Variants in MICAL2 observed in about 807,000 individuals in gnomAD.
MICAL2 encodes the protein [F-actin]-monooxygenase MICAL2.
Under a neutral mutation model 127.3 loss-of-function variants are expected in MICAL2, and 77 were observed. The observed-to-expected ratio is 0.60, with a 90% CI of 0.50 to 0.73. MICAL2 has a LOEUF of 0.73. MICAL2 is among the 30% of genes least tolerant of loss of function. The pLI is 0.00. For missense variants in MICAL2, 1,351 were observed against 1,434.4 expected, an observed-to-expected ratio of 0.94 and a Z score of 0.94; for synonymous variants, 570 against 551.1, an observed-to-expected ratio of 1.03 and a Z score of -0.48.
intron 3 of MICAL2, among the ~76,000 whole-genome samples, chr11:12,176,741 GTGAC>G (rs1856886029): frequency 1.3e-5 from 2 of 152,106 alleles, no homozygotes; most frequent in Admixed American, 1.3e-4. Flanking sequence ...TTGTCCTTTT[GTGAC>G]TGTCTTATTT....
intron 2 of MICAL2, among the ~76,000 whole-genome samples, chr11:12,154,395 TCAGGGAAAGAAGA>T (rs1484944517): frequency 1.3e-5 from 2 of 151,996 alleles, no homozygotes; most frequent in East Asian, 3.9e-4. Context: ...AGATGGACAG[TCAGGGAAAGAAGA>T]CTCCTGGCCT....
At chr11:12,229,996 C>T (rs1858004491) in intron 15 of MICAL2, among the ~76,000 whole-genome samples, 1 of 152,196 alleles carries the variant, frequency 6.6e-6, no homozygotes, top group Non-Finnish European at 1.5e-5. Flanking sequence ...TGTTTGTTCT[C>T]TCAGAGCGAT....
intron 21 of MICAL2, among the ~76,000 whole-genome samples, chr11:12,246,877 A>G (rs528854599): frequency 6.6e-6 from 1 of 152,222 alleles, no homozygotes; most frequent in East Asian, 1.9e-4. Flanking sequence ...CTTACACCCT[A>G]CAAGCCTACA....
chr11:12,282,625 G>GT (rs1863784424), intron 2 of MICAL2, among the ~76,000 whole-genome samples: 1 of 152,190 alleles, frequency 6.6e-6, no homozygotes, highest in Non-Finnish European at 1.5e-5. Context: ...TTGATTCTGA[G>GT]TTTTCTAGCT....
At chr11:12,209,427 C>A in intron 5 of MICAL2, 70 bp from the exon 6 acceptor site, 1 of 1,247,794 alleles carries the variant, frequency 8.0e-7, no homozygotes, top group African/African-American at 1.5e-5. Context: ...TCATAGCCAC[C>A]ACACGGGGGG....
At position 12,221,968 on chromosome 11, in the gene MICAL2, C is replaced by T. The variant is rs370394377; in HGVS notation, c.1322+209C>T. 2.6e-5 allele frequency among the ~76,000 whole-genome samples: 4 copies of T among 152,178 alleles called. No individual in the cohort carries two copies. In the East Asian group the frequency reaches 7.7e-4, roughly 29 times the overall value. On this transcript the variant is annotated intron_variant, in intron 10 of 27. Transcript: ENST00000683283. ...ACTCTTACAGTGACTTTCTCTGGGG[C>T]CAGGACCTTGGGCCCTGGATGACAA... is the stretch of plus-strand genomic sequence containing the variant.
intron 1 of MICAL2, among the ~76,000 whole-genome samples, chr11:12,125,332 CA>C (rs1310758259): frequency 1.3e-5 from 2 of 152,258 alleles, no homozygotes; most frequent in Non-Finnish European, 2.9e-5. Context: ...CGGCTCACTG[CA>C]ACCTCCGCCT....
chr11:12,296,870 G>A (rs950297511), downstream of MICAL2, among the ~76,000 whole-genome samples: 5 of 151,754 alleles, frequency 3.3e-5, no homozygotes, highest in Non-Finnish European at 4.4e-5. Flanking sequence ...ATATTAGTAC[G>A]TAAAGCACTT....
intron 3 of MICAL2, among the ~76,000 whole-genome samples, chr11:12,165,569 T>G (rs915630514): frequency 6.6e-6 from 1 of 152,242 alleles, no homozygotes; most frequent in African/African-American, 2.4e-5. Flanking sequence ...TAAATGTAAT[T>G]CAGCCAGAAC....
chr11:12,294,244 G>T, downstream of MICAL2: 2 of 1,614,144 alleles, frequency 1.2e-6, no homozygotes, highest in Non-Finnish European at 1.7e-6. Context: ...CCCCACTGCG[G>T]CTCATAGCCA....
intron 2 of MICAL2, chr11:12,153,370 T>C (rs1253588506): frequency 6.6e-6 from 1 of 152,252 alleles, no homozygotes; most frequent in Non-Finnish European, 1.5e-5. Context: ...TAAGATTTAA[T>C]GGTATTAAGT....
At chr11:12,136,441 C>T (rs1470642297) in intron 1 of MICAL2, among the ~76,000 whole-genome samples, 1 of 152,124 alleles carries the variant, frequency 6.6e-6, no homozygotes, top group African/African-American at 2.4e-5. Context: ...GCTGAGGTAG[C>T]AGTGTTAACT....
intron 34 of MICAL2, among the ~76,000 whole-genome samples, chr11:12,356,834 T>A (rs1391334734): frequency 6.6e-6 from 1 of 152,196 alleles, no homozygotes; most frequent in Non-Finnish European, 1.5e-5. Flanking sequence ...GGGGCCACAC[T>A]CAGACCCTTC....
At chr11:12,344,819 A>T (rs1938927654) in intron 32 of MICAL2, among the ~76,000 whole-genome samples, 1 of 150,350 alleles carries the variant, frequency 6.7e-6, no homozygotes, top group Non-Finnish European at 1.5e-5. Flanking sequence ...ATTATCAAAG[A>T]AATTGTGGAC....
intron 4 of MICAL2, among the ~76,000 whole-genome samples, chr11:12,205,775 T>C (rs1854601263): frequency 2.0e-5 from 3 of 152,190 alleles, no homozygotes; most frequent in Non-Finnish European, 4.4e-5. Flanking sequence ...GCCTAGCACA[T>C]AGTAAGTGCC....
Position 12,191,930 on chromosome 11 carries a change from A to C in MICAL2, c.265-12320A>C, listed in dbSNP as rs569562181. Among the ~76,000 whole-genome samples, 7 of 152,076 alleles carry C rather than the reference A, an allele frequency of 4.6e-5. No individual in the cohort carries two copies. In the South Asian group the frequency reaches 6.2e-4, roughly 14 times the overall value. ...GAATGGTGAGAAGGAGCTGTGTTCAAAGATCTGAGGGAAGGGTGTCCAGGG... is the reference window on the plus strand; with the variant it reads ...GAATGGTGAGAAGGAGCTGTGTTCACAGATCTGAGGGAAGGGTGTCCAGGG... On this transcript the variant is annotated intron_variant, in intron 3 of 27. Transcript: ENST00000683283.
At chr11:12,334,268 G>A (rs767732824) in intron 32 of MICAL2, among the ~76,000 whole-genome samples, 7 of 152,078 alleles carry the variant, frequency 4.6e-5, no homozygotes, top group African/African-American at 4.8e-5. Context: ...ACCTATGCAC[G>A]TCCTCTTGCA....
intron 33 of MICAL2, among the ~76,000 whole-genome samples, chr11:12,351,790 C>T (rs553458832): frequency 1.4e-5 from 2 of 145,140 alleles, no homozygotes; most frequent in African/African-American, 5.0e-5. Flanking sequence ...TGTATTATAA[C>T]TTTTTTTTTT....
At chr11:12,248,359 A>G (rs764921927) in intron 21 of MICAL2, among the ~76,000 whole-genome samples, 12 of 151,838 alleles carry the variant, frequency 7.9e-5, no homozygotes, top group Non-Finnish European at 1.3e-4. Flanking sequence ...CATCTATCCC[A>G]CCAAACCAGC....
Sources: allele counts gnomAD v4.1 joint callset (sites outside exome capture counted in the v4.1 genomes callset), GRCh38; gene constraint gnomAD v4.1.1; transcripts MANE v1.5; gene names NCBI Gene and HGNC (gene_info 2026-07-23, HGNC 2026-07-21).